PIK3C3: variants seen among roughly 807,000 people sequenced by gnomAD.
PIK3C3 encodes phosphatidylinositol 3-kinase catalytic subunit type 3, also known as PI3-kinase type 3.
A neutral mutation model predicts 126.1 loss-of-function variants in PIK3C3; 95 were observed. The ratio of observed to expected loss-of-function variants is 0.75; its 90% confidence interval spans 0.64 to 0.89. PIK3C3 has a LOEUF of 0.89. Among genes scored for constraint, PIK3C3 ranks in the 40% least tolerant of loss-of-function variants. The pLI, the probability that PIK3C3 is intolerant of heterozygous loss-of-function variation, is 0.00. For synonymous variants in PIK3C3, 374 were observed against 360.0 expected, an observed-to-expected ratio of 1.04 and a Z score of -0.44; for missense variants, 829 against 1,063.2, an observed-to-expected ratio of 0.78 and a Z score of 3.06.
At chr18:41,986,079 G>C (rs1981460690) in intron 4 of PIK3C3, among the ~76,000 whole-genome samples, 1 of 152,260 alleles carries the variant, frequency 6.6e-6, no homozygotes, top group African/African-American at 2.4e-5. Context: ...TACATCAGTA[G>C]AGAGGATAGC....
At position 42,085,619 on chromosome 18, in the gene PIK3C3, T is replaced by G. The variant is rs1458283988; in HGVS notation, c.*4482T>G. On this transcript the variant is annotated 3_prime_UTR_variant, in exon 25 of 25. Transcript: ENST00000262039. ...ATTTAAAAGAATATTTAAGTCACAG[T>G]CAATTTTCTGTTGGTCTAATTTTAC... 1.3e-5 allele frequency: 2 copies of G among 152,220 alleles called. No homozygotes were observed. Among genetic ancestry groups the G allele is most frequent in the African/African-American group, 4.8e-5 (2 of 41,450 alleles). The allele number at this position is 152,220 out of a possible 1,614,324, so 9.4% of individuals were successfully genotyped here.
At chr18:42,080,047 A>G (rs1986194209) in intron 24 of PIK3C3, among the ~76,000 whole-genome samples, 1 of 146,256 alleles carries the variant, frequency 6.8e-6, no homozygotes, top group African/African-American at 2.5e-5. Context: ...GTCTATATTA[A>G]TTTGGTCCTC....
In PIK3C3 at chr18:42,040,895, G is replaced by A. The variant is rs547051902; in HGVS notation, c.2103+154G>A. 1.1e-4 allele frequency among the ~76,000 whole-genome samples: 17 copies of A among 151,754 alleles called. No individual in the cohort carries two copies. In the East Asian group the frequency reaches 2.1e-3, roughly 19 times the overall value. ...CCTTTATTCAGAAGTAAGCATGTTC[G>A]CAGTTGAAGATTCTTCCATTTGTTA... On this transcript the variant is annotated intron_variant, in intron 19 of 24. Transcript: ENST00000262039.
chr18:41,961,058 A>G (rs980309870), intron 2 of PIK3C3, among the ~76,000 whole-genome samples: 1 of 152,114 alleles, frequency 6.6e-6, no homozygotes, highest in African/African-American at 2.4e-5. Flanking sequence ...TATATAAAAC[A>G]TATTAAGTGC....
chr18:41,992,332 G>A (rs1981819358), intron 6 of PIK3C3, among the ~76,000 whole-genome samples: 1 of 152,186 alleles, frequency 6.6e-6, no homozygotes, highest in African/African-American at 2.4e-5. Flanking sequence ...TTGTGACTGA[G>A]AACAAGCCTG....
At chr18:42,039,994 A>T (rs902788206) in intron 18 of PIK3C3, among the ~76,000 whole-genome samples, 1 of 152,158 alleles carries the variant, frequency 6.6e-6, no homozygotes, top group Non-Finnish European at 1.5e-5. Context: ...TTATTATCCT[A>T]TAGGCTTACC....
rs1318075269 is a variant in PIK3C3, at chr18:41,993,352, G to A, written c.786+11G>A. 7.0e-6 allele frequency: 11 copies of A among 1,570,556 alleles called. No individual in the cohort carries two copies. The highest frequency in any genetic ancestry group is 9.6e-6 in the Non-Finnish European group (11 of 1,145,870). ...CCCCAGATGTCTATGGTAAGTTATT[G>A]TGCAATTTTTTTATGAAAGTACTTT... On this transcript the variant is annotated intron_variant, in intron 7 of 24. Transcript: ENST00000262039.
At chr18:42,016,691 G>GT (rs955984954) in intron 12 of PIK3C3, among the ~76,000 whole-genome samples, 4 of 152,136 alleles carry the variant, frequency 2.6e-5, no homozygotes, top group Non-Finnish European at 5.9e-5. Flanking sequence ...TAAGACCAGA[G>GT]TTTAAGTGTA....
chr18:42,064,640 T>G, intron 22 of PIK3C3, 100 bp from the exon 23 acceptor site: 1 of 639,736 alleles, frequency 1.6e-6, no homozygotes. Context: ...GTAATCACTG[T>G]AGAAATCCAA....
chr18:42,040,230 A>C (rs946682477), intron 18 of PIK3C3, among the ~76,000 whole-genome samples: 4 of 149,526 alleles, frequency 2.7e-5, no homozygotes. Flanking sequence ...AGAAGATGGA[A>C]TATTAGACAA....
chr18:42,013,703 T>A, intron 11 of PIK3C3, 107 bp downstream of exon 11: 1 of 816,156 alleles, frequency 1.2e-6, no homozygotes, highest in South Asian at 1.6e-5. Context: ...GTGTTACTAA[T>A]TTTGAAGTTT....
At chr18:42,070,848 G>C (rs191987317) in intron 24 of PIK3C3, among the ~76,000 whole-genome samples, 1 of 152,266 alleles carries the variant, frequency 6.6e-6, no homozygotes, top group Admixed American at 6.5e-5. Context: ...TATTCATAGA[G>C]AAAATAAAAT....
intron 13 of PIK3C3, chr18:42,025,370 G>GT (rs980543334): frequency 1.3e-5 from 2 of 152,206 alleles, no homozygotes; most frequent in African/African-American, 4.8e-5. Context: ...TAGAACTGCT[G>GT]TTTTTTGTTT....
intron 11 of PIK3C3, among the ~76,000 whole-genome samples, chr18:42,015,205 TAAACAAACAAAC>T (rs113923091): frequency 4.0e-5 from 6 of 151,698 alleles, no homozygotes; most frequent in Non-Finnish European, 5.9e-5. Context: ...TAAATGGGCT[TAAACAAACAAAC>T]AAACAAACAA....
chr18:41,957,776 A>G lies in PIK3C3; in HGVS notation c.257+18A>G. ...AGATGGAAGTAAGTTTTTTTGTGGC[A>G]TATGGTATGTTACAGACTGTTCTTA... On this transcript the variant is annotated intron_variant, in intron 2 of 24. Coordinates refer to ENST00000262039, the MANE Select transcript of PIK3C3 (RefSeq NM_002647.4). 6.3e-7 allele frequency: 1 copy of G among 1,594,840 alleles called. No homozygotes were observed. The highest frequency in any genetic ancestry group is 8.6e-7 in the Non-Finnish European group (1 of 1,167,202).
chr18:41,958,351 A>G (rs573533788), intron 2 of PIK3C3, among the ~76,000 whole-genome samples: 6 of 152,242 alleles, frequency 3.9e-5, no homozygotes, highest in Admixed American at 1.3e-4. Flanking sequence ...TTGATAGACT[A>G]TGTAGTGCAG....
chr18:42,020,163 C>G (rs1180936399), intron 12 of PIK3C3, among the ~76,000 whole-genome samples: 1 of 152,114 alleles, frequency 6.6e-6, no homozygotes, highest in Non-Finnish European at 1.5e-5. Context: ...AAAATCCATA[C>G]TCAATAATAA....
In PIK3C3 at chr18:42,081,185, T is replaced by A; in HGVS notation, c.*48T>A. On this transcript the variant is annotated 3_prime_UTR_variant, in exon 25 of 25. Transcript: ENST00000262039. ...TGCTTGGCTCAATAAGAAAACCACG[T>A]TAGGAGCAACCTTTGTATATTGGAG... 7.1e-7 allele frequency: 1 copy of A among 1,412,168 alleles called. No homozygotes were observed. The highest frequency in any genetic ancestry group is 9.9e-7 in the Non-Finnish European group (1 of 1,005,634). The allele number at this position is 1,412,168 out of a possible 1,614,324, so 87.5% of individuals were successfully genotyped here.
At chr18:42,067,563 C>T (rs1396562634) in intron 24 of PIK3C3, 50 bp downstream of exon 24, 1 of 1,597,416 alleles carries the variant, frequency 6.3e-7, no homozygotes, top group Non-Finnish European at 8.6e-7. Context: ...CGTGTACTGC[C>T]CCAGAGTCCT....
Sources: allele counts gnomAD v4.1 joint callset (sites outside exome capture counted in the v4.1 genomes callset), GRCh38; gene constraint gnomAD v4.1.1; transcripts MANE v1.5; gene names NCBI Gene and HGNC (gene_info 2026-07-23, HGNC 2026-07-21).